COMMD1: variants seen among roughly 807,000 people sequenced by gnomAD.
COMMD1 encodes the protein COMM domain-containing protein 1.
A neutral mutation model predicts 17.2 loss-of-function variants in COMMD1; 10 were observed. The ratio of observed to expected loss-of-function variants is 0.58; its 90% confidence interval spans 0.36 to 0.99. The LOEUF (loss-of-function observed/expected upper bound fraction) is 0.99, where lower values mean the gene tolerates loss of function less well. COMMD1 is among the 50% of genes least tolerant of loss of function. The pLI is 0.01. For missense variants in COMMD1, 270 were observed against 231.8 expected (o/e 1.17, Z -1.07); for synonymous variants, 97 against 91.6 (o/e 1.06, Z -0.34).
chr2:62,018,102 C>A (rs774657248), intron 2 of COMMD1, among the ~76,000 whole-genome samples: 1 of 152,040 alleles, frequency 6.6e-6, no homozygotes, highest in Non-Finnish European at 1.5e-5. Flanking sequence ...GTAGCAGGCC[C>A]ATACGCATCT....
intron 1 of COMMD1, among the ~76,000 whole-genome samples, chr2:61,977,915 G>A (rs1304309119): frequency 2.0e-5 from 3 of 151,826 alleles, no homozygotes; most frequent in African/African-American, 7.3e-5. Context: ...CTTGAACCTG[G>A]GAGGCAGAGG....
rs147798283 is a variant in COMMD1, at chr2:62,073,479, C to T, written c.463-62352C>T. On this transcript the variant is annotated intron_variant, in intron 2 of 2. Coordinates refer to ENST00000311832, the MANE Select transcript of COMMD1 (RefSeq NM_152516.4). ...TAGTTTTACTCTTTCAACTAATTGG[C>T]AACTAAAGAATTCCTAAAACATACC... Among the ~76,000 whole-genome samples the T allele has an allele frequency of 1.6e-4, 24 of 152,348 alleles. No homozygotes were observed. The East Asian group carries it at 4.6e-3, about 29-fold the overall frequency.
chr2:61,984,169 C>T lies in COMMD1; in HGVS notation c.181-16532C>T, dbSNP rs964157890. On this transcript the variant is annotated intron_variant, in intron 1 of 2. Transcript: ENST00000311832. ...CCTCCTGAGTGGCTGGGATTACAGG[C>T]GTGTGCCACCACACCCAGCTAATTT... is the stretch of plus-strand genomic sequence containing the variant. 5.3e-5 allele frequency among the ~76,000 whole-genome samples: 8 copies of T among 152,218 alleles called. No individual in the cohort carries two copies. The Middle Eastern group carries it at 0.01, about 195-fold the overall frequency.
chr2:61,936,363 G>A (rs1322012728), intron 1 of COMMD1, among the ~76,000 whole-genome samples: 1 of 152,084 alleles, frequency 6.6e-6, no homozygotes, highest in Non-Finnish European at 1.5e-5. Flanking sequence ...CTGATTGTGA[G>A]CCTTCAGGGA....
intron 1 of COMMD1, among the ~76,000 whole-genome samples, chr2:61,932,364 T>G (rs544634266): frequency 7.2e-5 from 11 of 152,262 alleles, no homozygotes; most frequent in African/African-American, 2.7e-4. Context: ...GACCCCTTGA[T>G]AGTAAAACAG....
chr2:62,006,285 G>A (rs761395434), intron 2 of COMMD1, among the ~76,000 whole-genome samples: 72 of 151,110 alleles, frequency 4.8e-4, no homozygotes, highest in African/African-American at 8.5e-4. Context: ...AGCATGGCAC[G>A]TGTATATATA....
chr2:61,993,133 G>A (rs1668637317), intron 1 of COMMD1, among the ~76,000 whole-genome samples: 1 of 152,128 alleles, frequency 6.6e-6, no homozygotes, highest in South Asian at 2.1e-4. Flanking sequence ...ACAAGCAAGT[G>A]CCAGCATCCT....
At chr2:62,028,215 A>C (rs1195001744) in intron 2 of COMMD1, among the ~76,000 whole-genome samples, 2 of 152,132 alleles carry the variant, frequency 1.3e-5, no homozygotes, top group Non-Finnish European at 2.9e-5. Flanking sequence ...GGTTGTCAGC[A>C]TGATTACTCT....
intron 2 of COMMD1, among the ~76,000 whole-genome samples, chr2:62,017,679 GAAAAA>G (rs112202987): frequency 1.4e-5 from 2 of 141,998 alleles, no homozygotes; most frequent in Non-Finnish European, 3.1e-5. Flanking sequence ...TCCAAAAAAA[GAAAAA>G]AAAAAGAAAA....
chr2:61,925,895 T>C (rs935708187), intron 1 of COMMD1, among the ~76,000 whole-genome samples: 1 of 152,218 alleles, frequency 6.6e-6, no homozygotes, highest in Non-Finnish European at 1.5e-5. Context: ...ACTGACAATA[T>C]ATTACAAGAG....
intron 2 of COMMD1, among the ~76,000 whole-genome samples, chr2:62,066,780 C>T (rs1671060518): frequency 6.6e-6 from 1 of 151,646 alleles, no homozygotes; most frequent in South Asian, 2.1e-4. Flanking sequence ...GGCTGGAGTG[C>T]AGAGGTGGGA....
At chr2:62,121,348 C>T in intron 2 of COMMD1, among the ~76,000 whole-genome samples, 1 of 108,286 alleles carries the variant, frequency 9.2e-6, no homozygotes, top group East Asian at 2.8e-4. Flanking sequence ...CCAACCTGGG[C>T]AACAGAGTGA....
chr2:61,918,479 C>G (rs1558520948), intron 1 of COMMD1: 1 of 152,154 alleles, frequency 6.6e-6, no homozygotes, highest in Admixed American at 6.6e-5. Context: ...CTCAGGTGAC[C>G]TGTAATGAGG....
rs367752285 is a variant in COMMD1 at position 62,059,262 on chromosome 2, C to T, written c.462+58280C>T. ...CCTCTACCTCCTGGGCTAAGTGATCCTCCCACCTCAGCCTCCCTAGTAGCT... is the reference window on the plus strand; with the variant it reads ...CCTCTACCTCCTGGGCTAAGTGATCTTCCCACCTCAGCCTCCCTAGTAGCT... On this transcript the variant is annotated intron_variant, in intron 2 of 2. Coordinates refer to ENST00000311832, the MANE Select transcript of COMMD1 (RefSeq NM_152516.4). 1.4e-4 allele frequency among the ~76,000 whole-genome samples: 21 copies of T among 152,120 alleles called. No homozygotes were observed. In the East Asian group the frequency reaches 1.7e-3, roughly 13 times the overall value.
At chr2:61,903,697 CAT>C (rs368155490), upstream of COMMD1, among the ~76,000 whole-genome samples, 772 of 151,900 alleles carry the variant, frequency 5.1e-3, 9 homozygotes, top group African/African-American at 0.017. Flanking sequence ...GGACTACAGA[CAT>C]GTGCTACCAT....
upstream of COMMD1, chr2:61,905,562 C>T: frequency 9.4e-7 from 1 of 1,059,740 alleles, no homozygotes; most frequent in African/African-American, 1.6e-5. Context: ...CTGGGGAAGC[C>T]TTGCCTCCAG....
intron 2 of COMMD1, among the ~76,000 whole-genome samples, chr2:62,061,984 C>CA (rs59487576): frequency 0.078 from 10,087 of 129,202 alleles, 824 homozygotes; most frequent in African/African-American, 0.21. Context: ...ACAGTTACAG[C>CA]AAAAAAAAAA....
At chr2:62,063,128 A>T (rs1031490512) in intron 2 of COMMD1, among the ~76,000 whole-genome samples, 17 of 152,118 alleles carry the variant, frequency 1.1e-4, no homozygotes, top group Non-Finnish European at 1.9e-4. Flanking sequence ...GAAGCAGGAG[A>T]ATCGCTTGAA....
intron 1 of COMMD1, among the ~76,000 whole-genome samples, chr2:61,890,633 G>C (rs1049784914): frequency 6.6e-6 from 1 of 151,980 alleles, no homozygotes; most frequent in Non-Finnish European, 1.5e-5. Context: ...TTTAGGTCAG[G>C]AGTTTAAGAC....
Sources: allele counts gnomAD v4.1 joint callset (sites outside exome capture counted in the v4.1 genomes callset), GRCh38; gene constraint gnomAD v4.1.1; transcripts MANE v1.5; gene names NCBI Gene and HGNC (gene_info 2026-07-23, HGNC 2026-07-21).